The following C15orf39 variants were observed in gnomAD, a reference collection of about 807,000 sequenced individuals.
The protein encoded by C15orf39 is uncharacterized protein C15orf39.
In C15orf39, 24 loss-of-function variants were observed where a neutral mutation model predicts 53.9. The observed-to-expected ratio is 0.45, with a 90% CI of 0.32 to 0.63. C15orf39 has a LOEUF of 0.63. Among genes scored for constraint, C15orf39 ranks in the 20% least tolerant of loss-of-function variants. The pLI is 0.04. For missense variants in C15orf39, 1,271 were observed against 1,347.9 expected, an observed-to-expected ratio of 0.94 and a Z score of 0.89; for synonymous variants, 569 against 576.5, an observed-to-expected ratio of 0.99 and a Z score of 0.19.
Position 75,208,755 on chromosome 15 carries a change from C to T in C15orf39, c.2707C>T (p.Arg903Cys), listed in dbSNP as rs2070461739. ...TSRMLKLLALRQLPDIYPDLL... is the reference protein window; with the variant it reads ...TSRMLKLLALCQLPDIYPDLL... Reference sequence around the variant, plus strand: ...ACGCATGCTGAAGTTACTGGCGCTGCGCCAGCTGCCGGACATTTACCCCGA... The same window carrying T: ...ACGCATGCTGAAGTTACTGGCGCTGTGCCAGCTGCCGGACATTTACCCCGA... The change falls in exon 2 of 3, where the codon CGC becomes TGC. Residue 903 changes from arginine (R) to cysteine (C), a missense_variant. Transcript: ENST00000394987. 3 of 1,607,390 alleles carry T rather than the reference C, an allele frequency of 1.9e-6. No individual in the cohort carries two copies. The highest frequency in any genetic ancestry group is 1.1e-5 in the South Asian group (1 of 90,990).
chr15:75,207,526 G>A lies in C15orf39; in HGVS notation c.1478G>A (p.Arg493Lys), dbSNP rs770156016. 8 of 1,612,772 alleles carry A rather than the reference G, an allele frequency of 5.0e-6. No homozygotes were observed. In the Admixed American group the frequency reaches 1.0e-4, roughly 20 times the overall value. Residue 493 changes from arginine to lysine, a missense_variant, in exon 2 of 3, where the codon AGG becomes AAG. Transcript: ENST00000394987. ...TCTCTTCCACAGAAGGAGGGCGCAA[G>A]GCCACCCAGCTCTCCACCAATGCCT... ...CQSLPQKEGA[R>K]PPSSPPMPVI...
intron 1 of C15orf39, among the ~76,000 whole-genome samples, chr15:75,204,066 A>C (rs1476361864): frequency 6.6e-6 from 1 of 152,226 alleles, no homozygotes; most frequent in African/African-American, 2.4e-5. Flanking sequence ...TTCTAACCCC[A>C]AAATGTGCCG....
upstream of C15orf39, among the ~76,000 whole-genome samples, chr15:75,200,446 A>C (rs1000505129): frequency 1.3e-5 from 2 of 152,192 alleles, no homozygotes; most frequent in African/African-American, 4.8e-5. Flanking sequence ...AGGGCTAAGA[A>C]CACAGCCCTC....
rs1473649582 is a variant in C15orf39, at chr15:75,208,343, G to A, written c.2295G>A (p.Gln765=). 1.9e-6 allele frequency: 3 copies of A among 1,582,950 alleles called. No individual in the cohort carries two copies. In the African/African-American group the frequency reaches 4.0e-5, roughly 21 times the overall value. Residue 765 remains glutamine (Q), a synonymous_variant, in exon 2 of 3, where the codon CAG becomes CAA. Transcript: ENST00000394987. The part of the protein sequence containing the change: ...STSAPGDSLE[Q]HFTGLHASLC... Reference sequence around the variant, plus strand: ...CAGCCCCAGGGGACTCCCTGGAGCAGCATTTTACAGGACTACATGCGTCCC... The same window carrying A: ...CAGCCCCAGGGGACTCCCTGGAGCAACATTTTACAGGACTACATGCGTCCC...
At position 75,207,056 on chromosome 15, in the gene C15orf39, C is replaced by T; in HGVS notation, c.1008C>T (p.Pro336=). 1 of 1,610,122 alleles carries T rather than the reference C, an allele frequency of 6.2e-7. No individual in the cohort carries two copies. The highest frequency in any genetic ancestry group is 8.5e-7 in the Non-Finnish European group (1 of 1,178,282). ...RQQAAQAPYI[P]PLGLDAYPYP... is the part of the protein sequence containing the mutation. ...AGGCAGCCCAGGCACCTTACATTCC[C>T]CCACTGGGGCTGGACGCTTACCCCT... Residue 336 remains proline (P), a synonymous_variant, in exon 2 of 3, where the codon CCC becomes CCT. Transcript: ENST00000394987.
upstream of C15orf39, among the ~76,000 whole-genome samples, chr15:75,199,708 C>A (rs990382108): frequency 2.6e-5 from 4 of 152,002 alleles, no homozygotes; most frequent in Non-Finnish European, 5.9e-5. Flanking sequence ...GCATGTGAAA[C>A]CTGGGCAGAC....
chr15:75,207,608 A>G lies in C15orf39; in HGVS notation c.1560A>G (p.Ala520=), dbSNP rs2070450557. 1.2e-6 allele frequency: 2 copies of G among 1,610,904 alleles called. No homozygotes were observed. Among genetic ancestry groups the G allele is most frequent in the South Asian group, 1.1e-5 (1 of 90,984 alleles). Reference sequence around the variant, plus strand: ...ACCGTGACTATCTGGATGTGCCGGCACCCGAGGCCACAACTGAGCCTGACT... The same window carrying G: ...ACCGTGACTATCTGGATGTGCCGGCGCCCGAGGCCACAACTGAGCCTGACT... ...APYRDYLDVP[A]PEATTEPDSA... is the part of the protein sequence containing the mutation. The change falls in exon 2 of 3, where the codon GCA becomes GCG. Residue 520 remains alanine, a synonymous_variant. Coordinates refer to ENST00000394987, the MANE Select transcript of C15orf39 (RefSeq NM_015492.5).
Position 75,211,360 on chromosome 15 carries a change from C to T in C15orf39, c.*244C>T, listed in dbSNP as rs567975304. 4.5e-5 allele frequency: 20 copies of T among 448,412 alleles called. No individual in the cohort carries two copies. The highest frequency in any genetic ancestry group is 1.2e-4 in the African/African-American group (6 of 50,250). The allele number at this position is 448,412 out of a possible 1,614,324, so 27.8% of individuals were successfully genotyped here. ...GAGAACACACATGGGCTTTGGAGCC[C>T]GACAGACCTGGGCTTGAATCCCGGC... On this transcript the variant is annotated 3_prime_UTR_variant, in exon 3 of 3. Coordinates refer to ENST00000394987, the MANE Select transcript of C15orf39 (RefSeq NM_015492.5).
At chr15:75,201,857 C>G (rs2070403666), upstream of C15orf39, 1 of 151,858 alleles carries the variant, frequency 6.6e-6, no homozygotes, top group African/African-American at 2.4e-5. The surrounding 1 kb of genome is among the most constrained non-coding windows in gnomAD (Gnocchi z 4.7). Context: ...CCGCCCCGCC[C>G]CCAGCCCGCC....
intron 1 of C15orf39, among the ~76,000 whole-genome samples, chr15:75,204,347 C>A (rs1033381823): frequency 6.6e-5 from 10 of 152,358 alleles, no homozygotes; most frequent in Admixed American, 6.5e-4. Flanking sequence ...CCTCAGTCCC[C>A]ATCCTTCCTT....
rs201132744 is a variant in C15orf39, at chr15:75,208,679, G to A, written c.2631G>A (p.Thr877=). ...QEHRVELRPT[T]LSEERALREL... ...ATCGTGTGGAGCTGCGGCCCACCAC[G>A]CTGTCGGAGGAGCGGGCACTGCGGG... Residue 877 remains threonine (T), a synonymous_variant, in exon 2 of 3, where the codon ACG becomes ACA. Coordinates refer to ENST00000394987, the MANE Select transcript of C15orf39 (RefSeq NM_015492.5). The A allele has an allele frequency of 2.1e-5, 33 of 1,607,434 alleles. No homozygotes were observed. The African/African-American group carries it at 3.9e-4, about 19-fold the overall frequency.
In C15orf39 at chr15:75,207,138, A is replaced by T. The variant is rs200796716; in HGVS notation, c.1090A>T (p.Thr364Ser). 18 of 1,612,250 alleles carry T rather than the reference A, an allele frequency of 1.1e-5. No homozygotes were observed. Among genetic ancestry groups the T allele is most frequent in the Non-Finnish European group, 1.5e-5 (18 of 1,179,504 alleles). ...SPGLKLEPPL[T>S]PRCPLDFAPQ... ...AGGCCTCAAGCTGGAGCCGCCTCTC[A>T]CTCCACGGTGCCCATTGGACTTTGC... Residue 364 changes from threonine to serine, a missense_variant, in exon 2 of 3, where the codon ACT (threonine) becomes TCT (serine). Thr to Ser is a moderately conservative substitution (Grantham distance 58). This residue lies in a region of C15orf39 where 994 missense variants were observed against 993.7 expected (regional missense o/e 1.00). Coordinates refer to ENST00000394987, the MANE Select transcript of C15orf39 (RefSeq NM_015492.5).
In C15orf39 at chr15:75,210,856, A is replaced by T. The variant is rs762222302; in HGVS notation, c.2884A>T (p.Arg962Trp). 1.2e-6 allele frequency: 2 copies of T among 1,613,624 alleles called. No homozygotes were observed. The highest frequency in any genetic ancestry group is 1.7e-6 in the Non-Finnish European group (2 of 1,179,992). Residue 962 changes from arginine to tryptophan, a missense_variant, in exon 3 of 3, where the codon AGG becomes TGG. Physicochemically the swap from Arg to Trp is moderately radical, Grantham distance 101. Around this residue, in one of 2 missense-constraint regions of C15orf39, gnomAD observed 277 missense variants for 354.1 expected, o/e 0.78. Coordinates refer to ENST00000394987, the MANE Select transcript of C15orf39 (RefSeq NM_015492.5). ...TCAGAAGTCACCGGCCCCCAAGGTC[A>T]GGAAGCCAGGCAGGAAGCCACCAAC... ...LAQKSPAPKV[R>W]KPGRKPPTPG... is the part of the protein sequence containing the mutation.
chr15:75,206,006 G>A lies in C15orf39; in HGVS notation c.-43G>A, dbSNP rs943315860. 1.7e-5 allele frequency: 26 copies of A among 1,495,902 alleles called. No homozygotes were observed. The African/African-American group carries it at 3.7e-4, about 21-fold the overall frequency. 92.7% of individuals were successfully genotyped at this position (1,495,902 alleles called of 1,614,324 possible). ...TTTCTCTCTCTATCCCAGGTCAGAA[G>A]TTGAGTAGCAGGGGCCTAGGAGGGC... On this transcript the variant is annotated 5_prime_UTR_variant, in exon 2 of 3. Coordinates refer to ENST00000394987, the MANE Select transcript of C15orf39 (RefSeq NM_015492.5).
At chr15:75,209,013 C>A in intron 2 of C15orf39, 189 bp downstream of exon 2, 3 of 1,016,140 alleles carry the variant, frequency 3.0e-6, no homozygotes, top group Non-Finnish European at 4.1e-6. Context: ...ACCTTCATAG[C>A]CTCTTTTGTA....
chr15:75,206,296 A>C lies in C15orf39; in HGVS notation c.248A>C (p.Gln83Pro). 1 of 1,613,998 alleles carries C rather than the reference A, an allele frequency of 6.2e-7. No homozygotes were observed. Among genetic ancestry groups the C allele is most frequent in the Non-Finnish European group, 8.5e-7 (1 of 1,179,956 alleles). The change falls in exon 2 of 3, where the codon CAG (glutamine) becomes CCG (proline). Residue 83 changes from glutamine to proline, a missense_variant. Coordinates refer to ENST00000394987, the MANE Select transcript of C15orf39 (RefSeq NM_015492.5). ...YSTGMAGPPL[Q>P]ADNLLTNCLF... The stretch of plus-strand genomic sequence containing the variant: ...ACCGGTATGGCAGGACCCCCACTTC[A>C]GGCAGACAACCTGCTGACCAACTGC...
rs1428777366 is a variant in C15orf39, at chr15:75,208,496, C to T, written c.2448C>T (p.Ala816=). 1 of 1,593,662 alleles carries T rather than the reference C, an allele frequency of 6.3e-7. No individual in the cohort carries two copies. The highest frequency in any genetic ancestry group is 1.7e-5 in the Admixed American group (1 of 58,052). Residue 816 remains alanine (A), a synonymous_variant, in exon 2 of 3, where the codon GCC becomes GCT. Coordinates refer to ENST00000394987, the MANE Select transcript of C15orf39 (RefSeq NM_015492.5). ...QDCQGVQGLL[A]KLLSQLQRFD... is the part of the protein sequence containing the mutation. ...GCCAGGGTGTGCAGGGGCTGCTGGC[C>T]AAGCTGCTGTCTCAGCTGCAGCGCT... is the stretch of plus-strand genomic sequence containing the variant.
At chr15:75,205,936 C>A in intron 1 of C15orf39, 63 bp from the exon 2 acceptor site, 2 of 1,086,704 alleles carry the variant, frequency 1.8e-6, no homozygotes, top group Admixed American at 2.8e-5. Flanking sequence ...GAGCAGCAGC[C>A]CTCTGTTGCT....
At position 75,208,327 on chromosome 15, in the gene C15orf39, G is replaced by T; in HGVS notation, c.2279G>T (p.Gly760Val). 6.3e-7 allele frequency: 1 copy of T among 1,577,930 alleles called. No individual in the cohort carries two copies. Among genetic ancestry groups the T allele is most frequent in the East Asian group, 2.3e-5 (1 of 42,632 alleles). Residue 760 changes from glycine to valine, a missense_variant, in exon 2 of 3, where the codon GGG becomes GTG. Gly to Val is a moderately radical substitution (Grantham distance 109, BLOSUM62 -3). Coordinates refer to ENST00000394987, the MANE Select transcript of C15orf39 (RefSeq NM_015492.5). ...GCTCCAGCATCTACTTCAGCCCCAG[G>T]GGACTCCCTGGAGCAGCATTTTACA... is the stretch of plus-strand genomic sequence containing the variant. ...GPAPASTSAP[G>V]DSLEQHFTGL...
Sources: allele counts gnomAD v4.1 joint callset (sites outside exome capture counted in the v4.1 genomes callset), GRCh38; gene constraint gnomAD v4.1.1; regional missense constraint gnomAD v4.1.1; non-coding constraint Gnocchi (gnomAD v3.1); transcripts MANE v1.5; gene names NCBI Gene and HGNC (gene_info 2026-07-23, HGNC 2026-07-21).